Variants in BBS9 observed in about 807,000 individuals in gnomAD.
BBS9 encodes Bardet-Biedl syndrome 9.
BBS9 carries 89 observed loss-of-function variants against 117.7 expected under a neutral mutation model. The ratio of observed to expected loss-of-function variants is 0.76; its 90% CI spans 0.64 to 0.90. BBS9 has a LOEUF of 0.90. Ranked by LOEUF, BBS9 falls within the 40% of genes least tolerant of loss-of-function variation. The pLI is 0.00. For missense variants in BBS9, 982 were observed against 1,042.2 expected, an observed-to-expected ratio of 0.94 and a Z score of 0.80; for synonymous variants, 379 against 370.9, an observed-to-expected ratio of 1.02 and a Z score of -0.25.
intron 6 of BBS9, among the ~76,000 whole-genome samples, chr7:33,260,293 C>T (rs557436763): frequency 3.3e-5 from 5 of 152,286 alleles, no homozygotes; most frequent in South Asian, 2.1e-4. Flanking sequence ...TGAGCCACCA[C>T]GCCCGGCCTA....
chr7:33,219,364 A>G (rs1789748614), intron 5 of BBS9, among the ~76,000 whole-genome samples: 1 of 152,176 alleles, frequency 6.6e-6, no homozygotes, highest in African/African-American at 2.4e-5. Flanking sequence ...GTGCGGGCAC[A>G]GGGCGCGGGA....
chr7:33,373,643 T>C (rs1823269405), intron 17 of BBS9, among the ~76,000 whole-genome samples: 1 of 152,158 alleles, frequency 6.6e-6, no homozygotes, highest in African/African-American at 2.4e-5. Flanking sequence ...GTATACCTAA[T>C]GTGTAGCAAA....
intron 5 of BBS9, among the ~76,000 whole-genome samples, chr7:33,181,746 C>T (rs930498372): frequency 2.0e-5 from 3 of 152,164 alleles, no homozygotes; most frequent in African/African-American, 7.2e-5. Flanking sequence ...TTTCACCAAC[C>T]TTCCACAACT....
intron 5 of BBS9, among the ~76,000 whole-genome samples, chr7:33,186,527 A>G (rs1182262252): frequency 6.6e-6 from 1 of 152,216 alleles, no homozygotes; most frequent in Admixed American, 6.5e-5. Context: ...AGTTAAGTGC[A>G]TATCTTTGAT....
At chr7:33,612,214 G>C (rs1051024147) in intron 21 of BBS9, among the ~76,000 whole-genome samples, 28 of 151,776 alleles carry the variant, frequency 1.8e-4, no homozygotes, top group African/African-American at 6.0e-4. Flanking sequence ...CATTCCTTGG[G>C]GGAAAGTATG....
chr7:33,131,354 T>C (rs1448543647), intron 1 of BBS9, among the ~76,000 whole-genome samples: 1 of 152,238 alleles, frequency 6.6e-6, no homozygotes, highest in East Asian at 1.9e-4. Context: ...TAAGATCATG[T>C]AGTGTAACGT....
At chr7:33,191,615 C>G (rs1255298916) in intron 5 of BBS9, among the ~76,000 whole-genome samples, 1 of 152,202 alleles carries the variant, frequency 6.6e-6, no homozygotes, top group African/African-American at 2.4e-5. Flanking sequence ...AGGATATGCT[C>G]TGTCCTGGGC....
chr7:33,410,575 A>G (rs1830937226), intron 19 of BBS9, among the ~76,000 whole-genome samples: 1 of 152,172 alleles, frequency 6.6e-6, no homozygotes, highest in African/African-American at 2.4e-5. Context: ...TCATTGTCTC[A>G]CCAACCCTTC....
chr7:33,226,989 T>C (rs572321784), intron 5 of BBS9, among the ~76,000 whole-genome samples: 2 of 152,304 alleles, frequency 1.3e-5, no homozygotes, highest in South Asian at 4.1e-4. Flanking sequence ...AATGCACTTA[T>C]GAATGTACCT....
intron 6 of BBS9, among the ~76,000 whole-genome samples, chr7:33,262,668 A>G (rs923206605): frequency 6.6e-6 from 1 of 152,096 alleles, no homozygotes; most frequent in Admixed American, 6.5e-5. Context: ...CTCTTACTTC[A>G]TGCGCCCCAT....
intron 21 of BBS9, among the ~76,000 whole-genome samples, chr7:33,589,422 G>C (rs1340496662): frequency 6.6e-6 from 1 of 152,020 alleles, no homozygotes; most frequent in East Asian, 1.9e-4. Flanking sequence ...TTGATTGCAG[G>C]TAACTTAAAC....
chr7:33,325,171 T>A (rs1227505268), intron 9 of BBS9, among the ~76,000 whole-genome samples: 1 of 152,230 alleles, frequency 6.6e-6, no homozygotes, highest in Non-Finnish European at 1.5e-5. Flanking sequence ...GTTTTTAAAT[T>A]ATTTTTTCTT....
intron 19 of BBS9, among the ~76,000 whole-genome samples, chr7:33,422,591 T>C (rs1371157778): frequency 6.6e-6 from 1 of 152,214 alleles, no homozygotes; most frequent in Admixed American, 6.5e-5. Context: ...ATTGTCCTGC[T>C]TTAAATTCCT....
At chr7:33,466,628 A>G (rs1840205535) in intron 19 of BBS9, among the ~76,000 whole-genome samples, 1 of 152,260 alleles carries the variant, frequency 6.6e-6, no homozygotes, top group South Asian at 2.1e-4. Context: ...TAGTCTTGAA[A>G]AACACCAATT....
intron 16 of BBS9, among the ~76,000 whole-genome samples, chr7:33,358,489 G>A (rs1048607084): frequency 2.6e-5 from 4 of 151,870 alleles, no homozygotes; most frequent in Admixed American, 6.6e-5. Flanking sequence ...TAGAGGGTGT[G>A]CATCCTGTGC....
At chr7:33,187,919 C>T (rs545237555) in intron 5 of BBS9, among the ~76,000 whole-genome samples, 1 of 151,766 alleles carries the variant, frequency 6.6e-6, no homozygotes, top group South Asian at 2.1e-4. Context: ...GAGACTCCGT[C>T]TCGAAAAAAG....
chr7:33,383,934 A>G (rs1825550608), intron 18 of BBS9, 96 bp downstream of exon 18: 5 of 1,276,488 alleles, frequency 3.9e-6, no homozygotes, highest in South Asian at 1.4e-5. Context: ...CCATTAGGCT[A>G]TGTGCTTCTA....
chr7:33,215,818 G>A (rs907922328), intron 5 of BBS9, among the ~76,000 whole-genome samples: 1 of 152,234 alleles, frequency 6.6e-6, no homozygotes, highest in Non-Finnish European at 1.5e-5. Flanking sequence ...CATGATGACA[G>A]AGAAGCTGAA....
At chr7:33,569,466 TA>T (rs1857420676) in intron 21 of BBS9, among the ~76,000 whole-genome samples, 1 of 149,872 alleles carries the variant, frequency 6.7e-6, no homozygotes, top group South Asian at 2.1e-4. Context: ...AATGCAAAAA[TA>T]AAAATAGGCC....
Sources: allele counts gnomAD v4.1 joint callset (sites outside exome capture counted in the v4.1 genomes callset), GRCh38; gene constraint gnomAD v4.1.1; transcripts MANE v1.5; gene names NCBI Gene and HGNC (gene_info 2026-07-23, HGNC 2026-07-21).